Variants in NPAS3 observed in about 807,000 individuals in gnomAD.
NPAS3 encodes neuronal PAS domain-containing protein 3.
In NPAS3, 14 loss-of-function variants were observed where a neutral mutation model predicts 73.1. The observed-to-expected ratio is 0.19, with a 90% CI of 0.13 to 0.30. NPAS3 has a LOEUF of 0.30. NPAS3 is among the 10% of genes least tolerant of loss of function. The pLI, the probability that NPAS3 is intolerant of heterozygous loss-of-function variation, is 1.00. For synonymous variants in NPAS3, 620 were observed against 541.5 expected (o/e 1.14, Z -2.01); for missense variants, 1,096 against 1,250.0 (o/e 0.88, Z 1.86).
intron 3 of NPAS3, among the ~76,000 whole-genome samples, chr14:33,302,469 C>T (rs1015086855): frequency 6.6e-6 from 1 of 152,054 alleles, no homozygotes; most frequent in East Asian, 1.9e-4. Flanking sequence ...GGGTAAAAAA[C>T]GGTGAGATCC....
intron 4 of NPAS3, among the ~76,000 whole-genome samples, chr14:33,427,914 G>GA (rs1303742826): frequency 6.6e-6 from 1 of 152,012 alleles, no homozygotes; most frequent in African/African-American, 2.4e-5. Flanking sequence ...CAGGGAATGA[G>GA]AAAAAGTCAA....
chr14:33,539,231 A>G (rs2054396153), intron 4 of NPAS3, among the ~76,000 whole-genome samples: 2 of 152,114 alleles, frequency 1.3e-5, no homozygotes, highest in Admixed American at 1.3e-4. Context: ...TTTTCACTGA[A>G]GGAAGAGTAT....
At chr14:33,647,969 T>C (rs959957471) in intron 5 of NPAS3, among the ~76,000 whole-genome samples, 3 of 152,166 alleles carry the variant, frequency 2.0e-5, no homozygotes, top group East Asian at 1.9e-4. Context: ...ATAACAAAGA[T>C]GGATTTGTTA....
In NPAS3 at chr14:33,667,595, G is replaced by A. The variant is rs573122773; in HGVS notation, c.559-8616G>A. Among the ~76,000 whole-genome samples, 9 of 152,306 alleles carry A rather than the reference G, an allele frequency of 5.9e-5. 1 individual carries two copies. In the South Asian group the frequency reaches 1.5e-3, roughly 25 times the overall value. Reference sequence around the variant, plus strand: ...ATTCCTTTAAAATAGCACCTAGAGAGTGTTTAGGGTATTGACTTGCTTTCA... The same window carrying A: ...ATTCCTTTAAAATAGCACCTAGAGAATGTTTAGGGTATTGACTTGCTTTCA... On this transcript the variant is annotated intron_variant, in intron 5 of 11. Transcript: ENST00000356141.
chr14:33,798,244 C>T (rs1273100188), intron 11 of NPAS3, among the ~76,000 whole-genome samples: 1 of 152,152 alleles, frequency 6.6e-6, no homozygotes, highest in South Asian at 2.1e-4. Context: ...TTTTCATTTC[C>T]TTTGGGGAAG....
chr14:33,300,483 T>C (rs1245798700), intron 3 of NPAS3, among the ~76,000 whole-genome samples: 2 of 152,242 alleles, frequency 1.3e-5, no homozygotes, highest in Non-Finnish European at 1.5e-5. Flanking sequence ...CTCTGCAGCA[T>C]GCTGCTTGAA....
At chr14:33,547,502 G>A (rs1160118489) in intron 4 of NPAS3, among the ~76,000 whole-genome samples, 4 of 152,112 alleles carry the variant, frequency 2.6e-5, no homozygotes, top group African/African-American at 9.7e-5. Flanking sequence ...ACTGCCCTGG[G>A]TTCACATACA....
chr14:33,698,670 T>C (rs189004692), intron 6 of NPAS3, among the ~76,000 whole-genome samples: 33 of 152,316 alleles, frequency 2.2e-4, no homozygotes, highest in African/African-American at 7.7e-4. Flanking sequence ...CCTGACATAC[T>C]TCCCTTCCTC....
At chr14:33,435,299 A>G (rs1034155587) in intron 4 of NPAS3, among the ~76,000 whole-genome samples, 2 of 152,222 alleles carry the variant, frequency 1.3e-5, no homozygotes, top group African/African-American at 4.8e-5. Flanking sequence ...GAGCTTAGCT[A>G]GCCTTAAATT....
intron 2 of NPAS3, among the ~76,000 whole-genome samples, chr14:33,105,224 A>G (rs546496438): frequency 1.3e-5 from 2 of 152,208 alleles, no homozygotes; most frequent in Non-Finnish European, 2.9e-5. Flanking sequence ...CACATTAAAC[A>G]TATAACCAAG....
At chr14:33,489,229 CT>C (rs1281035464) in intron 4 of NPAS3, among the ~76,000 whole-genome samples, 1 of 152,106 alleles carries the variant, frequency 6.6e-6, no homozygotes, top group Non-Finnish European at 1.5e-5. Context: ...ACAATTTCTA[CT>C]CTTTCGGATT....
intron 7 of NPAS3, among the ~76,000 whole-genome samples, chr14:33,748,054 C>T (rs1306676281): frequency 6.6e-6 from 1 of 152,116 alleles, no homozygotes; most frequent in Non-Finnish European, 1.5e-5. Flanking sequence ...ACAGGAAATT[C>T]CTAGAACAGT....
chr14:32,944,683 G>T (rs1047512084), intron 1 of NPAS3, among the ~76,000 whole-genome samples: 6 of 152,154 alleles, frequency 3.9e-5, no homozygotes, highest in Admixed American at 2.0e-4. Context: ...ATAGTTAGAA[G>T]AATGTGTAGT....
chr14:33,264,664 C>T (rs944858632), intron 3 of NPAS3, among the ~76,000 whole-genome samples: 4 of 152,184 alleles, frequency 2.6e-5, no homozygotes, highest in African/African-American at 9.7e-5. Flanking sequence ...TGAACTCCCT[C>T]TGCTGAGCTG....
At chr14:33,684,227 G>GGT (rs11463465) in intron 6 of NPAS3, among the ~76,000 whole-genome samples, 3 of 148,360 alleles carry the variant, frequency 2.0e-5, no homozygotes, top group Non-Finnish European at 4.5e-5. Flanking sequence ...TGTGCTGTGG[G>GGT]TTTTTTTTTT....
At chr14:33,323,286 ATGT>A (rs1330667884) in intron 3 of NPAS3, among the ~76,000 whole-genome samples, 1 of 152,210 alleles carries the variant, frequency 6.6e-6, no homozygotes, top group Non-Finnish European at 1.5e-5. Flanking sequence ...GTGTTCAGTA[ATGT>A]TGTGGACAAA....
At chr14:33,768,902 C>A (rs2062551136) in intron 7 of NPAS3, among the ~76,000 whole-genome samples, 1 of 152,264 alleles carries the variant, frequency 6.6e-6, no homozygotes, top group Non-Finnish European at 1.5e-5. Context: ...ACCTACTTAA[C>A]TTTACAAGGA....
At chr14:33,521,513 TAAAAAA>T (rs35106729) in intron 4 of NPAS3, among the ~76,000 whole-genome samples, 1 of 133,054 alleles carries the variant, frequency 7.5e-6, no homozygotes, top group Non-Finnish European at 1.6e-5. Flanking sequence ...TGATCTGCTT[TAAAAAA>T]AAAAAAAAAA....
chr14:33,208,211 AGCATACAAT>A (rs1375200610), intron 2 of NPAS3, among the ~76,000 whole-genome samples: 1 of 152,196 alleles, frequency 6.6e-6, no homozygotes, highest in Non-Finnish European at 1.5e-5. Context: ...CAGACACCAA[AGCATACAAT>A]GAATAGTTTG....
Sources: allele counts gnomAD v4.1 joint callset (sites outside exome capture counted in the v4.1 genomes callset), GRCh38; gene constraint gnomAD v4.1.1; transcripts MANE v1.5; gene names NCBI Gene and HGNC (gene_info 2026-07-23, HGNC 2026-07-21).